Variants in ELMO1 observed in about 807,000 individuals in gnomAD.
The protein encoded by ELMO1 is engulfment and cell motility 1, also known as engulfment and cell motility protein 1.
A neutral mutation model predicts 98.9 loss-of-function variants in ELMO1; 26 were observed. The observed-to-expected ratio is 0.26, with a 90% CI of 0.19 to 0.36. ELMO1 has a LOEUF of 0.36. Among genes scored for constraint, ELMO1 ranks in the 10% least tolerant of loss-of-function variants. The probability of loss-of-function intolerance (pLI) is 1.00; values close to 1 mark genes in which losing one functional copy is unlikely to be tolerated. For missense variants in ELMO1, 627 were observed against 935.2 expected, an observed-to-expected ratio of 0.67 and a Z score of 4.30; for synonymous variants, 346 against 346.0, an observed-to-expected ratio of 1.00 and a Z score of 0.00.
At chr7:36,867,772 T>C (rs1034875755) in intron 20 of ELMO1, among the ~76,000 whole-genome samples, 1 of 152,180 alleles carries the variant, frequency 6.6e-6, no homozygotes, top group Admixed American at 6.5e-5. Flanking sequence ...TGTGGGTTAT[T>C]TACAAGTGTG....
intron 2 of ELMO1, among the ~76,000 whole-genome samples, chr7:37,321,431 T>C (rs1340012904): frequency 2.6e-5 from 4 of 151,950 alleles, no homozygotes; most frequent in African/African-American, 9.7e-5. Context: ...AGAAAAGCCC[T>C]AGGAGGCCGG....
intron 18 of ELMO1, among the ~76,000 whole-genome samples, chr7:36,881,516 G>T (rs1399817819): frequency 6.6e-6 from 1 of 152,178 alleles, no homozygotes; most frequent in Non-Finnish European, 1.5e-5. Context: ...ATCAAAGATT[G>T]TTTACTAGCA....
intron 1 of ELMO1, among the ~76,000 whole-genome samples, chr7:37,407,502 C>G (rs1320848036): frequency 7.9e-6 from 1 of 125,800 alleles, no homozygotes; most frequent in Non-Finnish European, 1.6e-5. Flanking sequence ...AGTGAAACTC[C>G]ATCTCAAAAA....
intron 15 of ELMO1, among the ~76,000 whole-genome samples, chr7:37,085,724 T>C (rs1215686212): frequency 6.6e-6 from 1 of 152,206 alleles, no homozygotes; most frequent in Non-Finnish European, 1.5e-5. Flanking sequence ...AGATGGTTTT[T>C]GCACTTTACA....
At chr7:37,131,465 C>T (rs572610530) in intron 14 of ELMO1, among the ~76,000 whole-genome samples, 2 of 152,262 alleles carry the variant, frequency 1.3e-5, no homozygotes, top group African/African-American at 4.8e-5. Flanking sequence ...GAGACATATG[C>T]TTCTTATGCA....
At chr7:37,108,883 T>C (rs1459228248) in intron 14 of ELMO1, among the ~76,000 whole-genome samples, 1 of 152,232 alleles carries the variant, frequency 6.6e-6, no homozygotes, top group East Asian at 1.9e-4. Context: ...AATACCAACT[T>C]GCCTGGCTTT....
At chr7:37,212,493 T>G (rs974021875) in intron 12 of ELMO1, among the ~76,000 whole-genome samples, 6 of 152,116 alleles carry the variant, frequency 3.9e-5, no homozygotes, top group Non-Finnish European at 4.4e-5. Flanking sequence ...TCTCTGCCAC[T>G]AGAAGTGGTA....
intron 1 of ELMO1, among the ~76,000 whole-genome samples, chr7:37,433,368 T>A (rs1428990005): frequency 2.6e-5 from 4 of 152,238 alleles, no homozygotes; most frequent in Middle Eastern, 6.8e-3. Context: ...GCACAATCAA[T>A]GCCAGCAGAG....
chr7:37,384,115 G>T (rs1204424599), intron 1 of ELMO1, among the ~76,000 whole-genome samples: 1 of 151,924 alleles, frequency 6.6e-6, no homozygotes, highest in Non-Finnish European at 1.5e-5. Context: ...GTGCCCGGCC[G>T]AAACATACAG....
In ELMO1 at chr7:37,080,600, A is replaced by ATTTT. The variant is rs764259726; in HGVS notation, c.1300+16015_1300+16018dup. 1.2e-3 allele frequency among the ~76,000 whole-genome samples: 130 copies of ATTTT among 105,198 alleles called. 2 individuals are homozygous for ATTTT. Among genetic ancestry groups the ATTTT allele is most frequent in the Admixed American group, 1.5e-3 (14 of 9,276 alleles). The allele number at this position is 105,198 out of a possible 152,430, so 69.0% of individuals were successfully genotyped here. On this transcript the variant is annotated intron_variant, in intron 15 of 21. Coordinates refer to ENST00000310758, the MANE Select transcript of ELMO1 (RefSeq NM_014800.11). ...CTACAGGCGCCTGCCACCACGCCTA[A>ATTTT]TTTTTTTTTTTTTTTTTTTTTTTTG...
chr7:37,053,238 C>T (rs1313698004), intron 15 of ELMO1, among the ~76,000 whole-genome samples: 1 of 151,184 alleles, frequency 6.6e-6, no homozygotes, highest in Non-Finnish European at 1.5e-5. Context: ...ATTTTGGTTA[C>T]ACAAGAGAAG....
At chr7:37,263,992 T>C (rs1796116012) in intron 5 of ELMO1, among the ~76,000 whole-genome samples, 1 of 152,166 alleles carries the variant, frequency 6.6e-6, no homozygotes, top group South Asian at 2.1e-4. Context: ...TGTTTACCAA[T>C]AGGACAATGG....
At chr7:37,274,064 G>A (rs958257735) in intron 4 of ELMO1, among the ~76,000 whole-genome samples, 7 of 152,140 alleles carry the variant, frequency 4.6e-5, no homozygotes, top group Non-Finnish European at 1.0e-4. Flanking sequence ...AGCATCCCCT[G>A]ATGCACTGGG....
At chr7:36,895,095 T>G in intron 16 of ELMO1, 78 bp from the exon 17 acceptor site, 1 of 1,527,336 alleles carries the variant, frequency 6.5e-7, no homozygotes, top group Non-Finnish European at 8.9e-7. Flanking sequence ...AGTTAAGGGC[T>G]CCCTGCTTCC....
intron 19 of ELMO1, among the ~76,000 whole-genome samples, chr7:36,874,839 G>A (rs914019365): frequency 2.0e-5 from 3 of 152,202 alleles, no homozygotes; most frequent in Non-Finnish European, 4.4e-5. Flanking sequence ...GAGGGGGGAT[G>A]TAAGAAGATG....
intron 7 of ELMO1, among the ~76,000 whole-genome samples, chr7:37,235,098 G>A (rs1319316819): frequency 1.3e-5 from 2 of 152,152 alleles, no homozygotes; most frequent in African/African-American, 2.4e-5. Context: ...AAACTTATTT[G>A]AAGAAAAGAA....
chr7:37,345,985 T>A (rs746612779), intron 1 of ELMO1, among the ~76,000 whole-genome samples: 6 of 133,694 alleles, frequency 4.5e-5, no homozygotes, highest in African/African-American at 1.4e-4. Context: ...CAAGACTCCA[T>A]CTAAAAAAAA....
chr7:37,018,773 A>AGCCT (rs1304974854), intron 15 of ELMO1, among the ~76,000 whole-genome samples: 1 of 152,188 alleles, frequency 6.6e-6, no homozygotes, highest in African/African-American at 2.4e-5. Context: ...CATCAGGCAC[A>AGCCT]GCTAGTTACT....
In ELMO1 at chr7:37,213,269, A is replaced by C; in HGVS notation, c.954+66T>G. ...AACTCCCTAGTTTCAGGGTACCTCA[A>C]GAAAAGACTTTTAATGACACTTTCT... On this transcript the variant is annotated intron_variant, in intron 12 of 21. Coordinates refer to ENST00000310758, the MANE Select transcript of ELMO1 (RefSeq NM_014800.11). 3 of 1,568,084 alleles carry C rather than the reference A, an allele frequency of 1.9e-6. No homozygotes were observed. In the Admixed American group the frequency reaches 5.4e-5, roughly 28 times the overall value.
Sources: gnomAD v4.1 joint callset for allele counts (sites outside exome capture counted in the v4.1 genomes callset) on GRCh38, gnomAD v4.1.1 for gene constraint, MANE v1.5 for transcripts, NCBI Gene and HGNC (gene_info 2026-07-23, HGNC 2026-07-21) for gene names.